TTYH2: variants seen among roughly 807,000 people sequenced by gnomAD.
The protein encoded by TTYH2 is protein tweety homolog 2.
In TTYH2, 49 loss-of-function variants were observed where a neutral mutation model predicts 68.3. The observed-to-expected ratio is 0.72, with a 90% CI of 0.57 to 0.91. The LOEUF (loss-of-function observed/expected upper bound fraction) is 0.91, where lower values mean the gene tolerates loss of function less well. Among genes scored for constraint, TTYH2 ranks in the 40% least tolerant of loss-of-function variants. The pLI is 0.00. For missense variants in TTYH2, 631 were observed against 700.4 expected, an observed-to-expected ratio of 0.90 and a Z score of 1.12; for synonymous variants, 272 against 300.8, an observed-to-expected ratio of 0.90 and a Z score of 0.99.
At chr17:74,219,182 A>C (rs372298977) in intron 1 of TTYH2, among the ~76,000 whole-genome samples, 63 of 150,956 alleles carry the variant, frequency 4.2e-4, no homozygotes, top group Middle Eastern at 6.9e-3. Flanking sequence ...ACGCTGCTGC[A>C]CTCCAGCCTG....
Position 74,214,200 on chromosome 17 carries a change from G to A in TTYH2, c.129+484G>A, listed in dbSNP as rs554713820. ...TGGCAGAAACTGAGTAGAGTCTCCC[G>A]AGTCGGTCTTCGCAGCACCCCTCCT... On this transcript the variant is annotated intron_variant, in intron 1 of 13. Transcript: ENST00000269346. The surrounding 1 kb of genome is among the most constrained non-coding windows in gnomAD (Gnocchi z 4.6). Among the ~76,000 whole-genome samples the A allele has an allele frequency of 1.3e-5, 2 of 152,066 alleles. No homozygotes were observed. The highest frequency in any genetic ancestry group is 1.9e-4 in the East Asian group (1 of 5,172).
chr17:74,253,338 G>A (rs1176394551), intron 12 of TTYH2, 72 bp downstream of exon 12: 16 of 1,491,676 alleles, frequency 1.1e-5, no homozygotes, highest in South Asian at 8.1e-5. Flanking sequence ...CCACAGTGCC[G>A]GGTGTGGGGA....
chr17:74,252,985 G>A, intron 11 of TTYH2, 96 bp from the exon 12 acceptor site: 1 of 1,352,528 alleles, frequency 7.4e-7, no homozygotes, highest in South Asian at 1.2e-5. Context: ...TGGCCAGAGA[G>A]TCCTGGGAGG....
Position 74,213,582 on chromosome 17 carries a change from C to T in TTYH2, c.-6C>T. ...TTCAGCTTGTGGGTAGCACTCGGGC[C>T]GAGCCATGCAGGCGGCGCGCGTGGA... On this transcript the variant is annotated 5_prime_UTR_variant, in exon 1 of 14. Coordinates refer to ENST00000269346, the MANE Select transcript of TTYH2 (RefSeq NM_032646.6). This position sits in a 1 kb window ranked among gnomAD's most constrained non-coding sequence, Gnocchi z 6.1. 1 of 1,609,144 alleles carries T rather than the reference C, an allele frequency of 6.2e-7. No homozygotes were observed. Among genetic ancestry groups the T allele is most frequent in the Non-Finnish European group, 8.5e-7 (1 of 1,178,428 alleles).
At chr17:74,224,180 C>A (rs1370228960) in intron 2 of TTYH2, among the ~76,000 whole-genome samples, 2 of 152,108 alleles carry the variant, frequency 1.3e-5, no homozygotes, top group East Asian at 3.9e-4. Context: ...GAGGCCAAGG[C>A]GGGTGGATCG....
Position 74,217,958 on chromosome 17 carries a change from C to A in TTYH2, c.129+4242C>A, listed in dbSNP as rs1161365752. Among the ~76,000 whole-genome samples the A allele has an allele frequency of 6.6e-6, 1 of 152,094 alleles. No homozygotes were observed. The highest frequency in any genetic ancestry group is 1.5e-5 in the Non-Finnish European group (1 of 68,010). On this transcript the variant is annotated intron_variant, in intron 1 of 13. Transcript: ENST00000269346. This position sits in a 1 kb window ranked among gnomAD's most constrained non-coding sequence, Gnocchi z 4.0. ...GTGGGACAAGGAGGTGGCTGCAGGG[C>A]ACAGTGGGAGGCGTGGGGAGGCGTG...
intron 11 of TTYH2, 122 bp downstream of exon 11, chr17:74,252,498 C>G: frequency 8.0e-7 from 1 of 1,249,714 alleles, no homozygotes; most frequent in African/African-American, 1.5e-5. Context: ...GCAGAGGGCC[C>G]GGGCATTCAG....
Position 74,260,322 on chromosome 17 carries a change from T to A in TTYH2, c.*113T>A. The A allele has an allele frequency of 9.1e-7, 1 of 1,104,466 alleles. No individual in the cohort carries two copies. The highest frequency in any genetic ancestry group is 2.4e-5 in the East Asian group (1 of 41,802). 68.4% of individuals were successfully genotyped at this position (1,104,466 alleles called of 1,614,324 possible). On this transcript the variant is annotated 3_prime_UTR_variant, in exon 14 of 14. Coordinates refer to ENST00000269346, the MANE Select transcript of TTYH2 (RefSeq NM_032646.6). ...GGCATCTGGAGCCCGAGAGGCCTCC[T>A]GCTGTGGCAGAGGAGCAGCTGGGAT...
intron 2 of TTYH2, among the ~76,000 whole-genome samples, chr17:74,228,369 G>A (rs7219181): frequency 0.037 from 5,594 of 152,216 alleles, 282 homozygotes; most frequent in African/African-American, 0.12. Context: ...AAGTGTGGAC[G>A]TGTACATTCA....
chr17:74,245,411 C>T (rs1360972152), intron 6 of TTYH2, among the ~76,000 whole-genome samples: 1 of 152,248 alleles, frequency 6.6e-6, no homozygotes, highest in Admixed American at 6.5e-5. Flanking sequence ...AGGGAGCACA[C>T]GGCGAACTCC....
Position 74,222,337 on chromosome 17 carries a change from G to T in TTYH2, c.130-148G>T. The stretch of plus-strand genomic sequence containing the variant: ...CAGCGCCGGGCCCTCTGTTTACAGA[G>T]TAGGAGCTTGAACCCTAGGTGGAGC... On this transcript the variant is annotated intron_variant, in intron 1 of 13. Transcript: ENST00000269346. This position sits in a 1 kb window ranked among gnomAD's most constrained non-coding sequence, Gnocchi z 5.2. The T allele has an allele frequency of 1.1e-6, 1 of 939,028 alleles. No individual in the cohort carries two copies. The highest frequency in any genetic ancestry group is 3.0e-5 in the Admixed American group (1 of 33,546). 58.2% of individuals were successfully genotyped at this position (939,028 alleles called of 1,614,324 possible). A position where few individuals can be genotyped will look rare whatever the true frequency, so the allele number is the denominator to read the frequency against.
rs2050742160 is a variant in TTYH2 at position 74,260,756 on chromosome 17, C to G, written c.*547C>G. The G allele has an allele frequency of 6.4e-6, 1 of 155,290 alleles. No homozygotes were observed. Among genetic ancestry groups the G allele is most frequent in the South Asian group, 2.0e-4 (1 of 5,098 alleles). The allele number at this position is 155,290 out of a possible 1,614,324, so 9.6% of individuals were successfully genotyped here. ...ACCAGAACAGCCCAAATCAGAGTTC[C>G]CAGGGCCAGACAGGCTCTTCCTGGG... On this transcript the variant is annotated 3_prime_UTR_variant, in exon 14 of 14. Transcript: ENST00000269346.
Position 74,260,388 on chromosome 17 carries a change from C to T in TTYH2, c.*179C>T, listed in dbSNP as rs974547976. 4.0e-5 allele frequency: 25 copies of T among 629,840 alleles called. No individual in the cohort carries two copies. Among genetic ancestry groups the T allele is most frequent in the South Asian group, 1.5e-4 (8 of 54,898 alleles). 39.0% of individuals were successfully genotyped at this position (629,840 alleles called of 1,614,324 possible). ...CAGGGGGTGCAGAAGACTCACCACGCGGGCCAGCCTCTCTCTTTTGCCCTG... is the reference window on the plus strand; with the variant it reads ...CAGGGGGTGCAGAAGACTCACCACGTGGGCCAGCCTCTCTCTTTTGCCCTG... On this transcript the variant is annotated 3_prime_UTR_variant, in exon 14 of 14. Coordinates refer to ENST00000269346, the MANE Select transcript of TTYH2 (RefSeq NM_032646.6).
Position 74,214,342 on chromosome 17 carries a change from A to G in TTYH2, c.129+626A>G, listed in dbSNP as rs573730921. 1.8e-4 allele frequency among the ~76,000 whole-genome samples: 27 copies of G among 152,184 alleles called. No homozygotes were observed. Among genetic ancestry groups the G allele is most frequent in the African/African-American group, 5.8e-4 (24 of 41,534 alleles). ...ACCCACAGCTGCTTGCGCTTGTTCC[A>G]GGGAAGGAAGGTGGCCTCCGTCAGC... is the stretch of plus-strand genomic sequence containing the variant. On this transcript the variant is annotated intron_variant, in intron 1 of 13. Transcript: ENST00000269346. The surrounding 1 kb of genome is among the most constrained non-coding windows in gnomAD (Gnocchi z 4.6).
intron 4 of TTYH2, among the ~76,000 whole-genome samples, chr17:74,238,026 T>C (rs889004955): frequency 6.6e-6 from 1 of 152,090 alleles, no homozygotes; most frequent in Non-Finnish European, 1.5e-5. Flanking sequence ...GCCTCCTTAA[T>C]AGATAGGCAG....
At chr17:74,243,643 C>T (rs1347581735) in intron 5 of TTYH2, among the ~76,000 whole-genome samples, 174 bp downstream of exon 5, 2 of 152,236 alleles carry the variant, frequency 1.3e-5, no homozygotes, top group Admixed American at 1.3e-4. Flanking sequence ...GCCACCAACT[C>T]ACCATCTGGT....
At chr17:74,226,835 G>GC (rs1202575442) in intron 2 of TTYH2, among the ~76,000 whole-genome samples, 5 of 152,074 alleles carry the variant, frequency 3.3e-5, no homozygotes, top group Admixed American at 3.3e-4. Context: ...CCACCAACTC[G>GC]CTTATTCTCC....
intron 2 of TTYH2, among the ~76,000 whole-genome samples, chr17:74,228,699 G>C (rs537077958): frequency 2.0e-5 from 3 of 151,680 alleles, no homozygotes; most frequent in South Asian, 2.1e-4. Flanking sequence ...CAAGATCAGT[G>C]GGGGGCGGGG....
chr17:74,256,836 ACGGGGTTT>A (rs932319883), intron 13 of TTYH2: 1 of 152,132 alleles, frequency 6.6e-6, no homozygotes, highest in African/African-American at 2.4e-5. Context: ...TTCAGTAGAG[ACGGGGTTT>A]CGCCATGCAG....
Sources: gnomAD v4.1 joint callset for allele counts (sites outside exome capture counted in the v4.1 genomes callset) on GRCh38, gnomAD v4.1.1 for gene constraint, Gnocchi (gnomAD v3.1) non-coding constraint, MANE v1.5 for transcripts, NCBI Gene and HGNC (gene_info 2026-07-23, HGNC 2026-07-21) for gene names.